MTREX: variants seen among roughly 807,000 people sequenced by gnomAD.
MTREX encodes Mtr4 exosome RNA helicase.
A neutral mutation model predicts 135.4 loss-of-function variants in MTREX; 76 were observed. That is an observed-to-expected ratio of 0.56 (90% confidence interval 0.47 to 0.68). MTREX has a LOEUF of 0.68. Among genes scored for constraint, MTREX ranks in the 30% least tolerant of loss-of-function variants. MTREX has a pLI of 0.00. For synonymous variants in MTREX, 404 were observed against 401.6 expected, an observed-to-expected ratio of 1.01 and a Z score of -0.07; for missense variants, 920 against 1,262.1, an observed-to-expected ratio of 0.73 and a Z score of 4.11.
In MTREX at chr5:55,425,136, T is replaced by G. The variant is rs1751138460; in HGVS notation, c.*364T>G. On this transcript the variant is annotated 3_prime_UTR_variant, in exon 27 of 27. Transcript: ENST00000230640. Reference sequence around the variant, plus strand: ...CTTGTACACCAGGAAGAAAGATGCATCCTCTTGCCTTGTGGCAATCATTTT... The same window carrying G: ...CTTGTACACCAGGAAGAAAGATGCAGCCTCTTGCCTTGTGGCAATCATTTT... 4 of 1,530,518 alleles carry G rather than the reference T, an allele frequency of 2.6e-6. No homozygotes were observed. The highest frequency in any genetic ancestry group is 1.4e-5 in the African/African-American group (1 of 71,778). 94.8% of individuals were successfully genotyped at this position (1,530,518 alleles called of 1,614,324 possible).
intron 22 of MTREX, among the ~76,000 whole-genome samples, chr5:55,410,068 T>G: frequency 6.6e-6 from 1 of 152,190 alleles, no homozygotes; most frequent in East Asian, 1.9e-4. Flanking sequence ...ATAAAAACTT[T>G]AAAAAATTAA....
chr5:55,358,809 A>G, intron 15 of MTREX, 111 bp downstream of exon 15: 3 of 826,466 alleles, frequency 3.6e-6, no homozygotes, highest in South Asian at 4.3e-5. Flanking sequence ...GAGTTAATAT[A>G]CTGAAACTAT....
chr5:55,392,356 C>T (rs1318391720), intron 19 of MTREX, among the ~76,000 whole-genome samples: 1 of 151,884 alleles, frequency 6.6e-6, no homozygotes, highest in Non-Finnish European at 1.5e-5. Flanking sequence ...CCAGCCTGGC[C>T]AACGTGGCCA....
chr5:55,314,230 G>T (rs1312389804), intron 1 of MTREX, among the ~76,000 whole-genome samples: 6 of 152,196 alleles, frequency 3.9e-5, no homozygotes, highest in African/African-American at 1.4e-4. Flanking sequence ...CTCTCCACAG[G>T]AGATGTACCA....
chr5:55,424,519 G>A (rs576694692), intron 26 of MTREX: 3 of 515,616 alleles, frequency 5.8e-6, no homozygotes, highest in African/African-American at 3.8e-5. Context: ...AGAGTCAAAA[G>A]AACAGGGGTC....
intron 18 of MTREX, among the ~76,000 whole-genome samples, chr5:55,382,310 CAT>C (rs1649040593): frequency 6.6e-6 from 1 of 151,870 alleles, no homozygotes; most frequent in Non-Finnish European, 1.5e-5. Context: ...TATATATACA[CAT>C]GTATGTATGT....
At position 55,343,448 on chromosome 5, in the gene MTREX, A is replaced by G. The variant is rs1173404117; in HGVS notation, c.899A>G (p.His300Arg). ...TTTGCTGAATGGATTTGCCATTTAC[A>G]TAAACAGGTATTTTTTCCTCCTTTT... ...RQFAEWICHL[H>R]KQPCHVIYTD... Residue 300 changes from histidine to arginine, a missense_variant, in exon 8 of 27, where the codon CAT (histidine) becomes CGT (arginine). Physicochemically the swap from His to Arg is conservative, Grantham distance 29 (BLOSUM62 0). Around this residue, in one of 6 missense-constraint regions of MTREX, gnomAD observed 88 missense variants for 202.5 expected, o/e 0.43. Coordinates refer to ENST00000230640, the MANE Select transcript of MTREX (RefSeq NM_015360.5). 8.7e-6 allele frequency: 14 copies of G among 1,611,342 alleles called. No individual in the cohort carries two copies. The highest frequency in any genetic ancestry group is 3.4e-5 in the Admixed American group (2 of 59,360).
intron 5 of MTREX, among the ~76,000 whole-genome samples, chr5:55,339,459 A>G (rs187514213): frequency 3.3e-5 from 5 of 152,328 alleles, no homozygotes; most frequent in South Asian, 2.1e-4. Context: ...GTTTAATGCT[A>G]TCTGTCTATA....
intron 5 of MTREX, among the ~76,000 whole-genome samples, chr5:55,338,211 ATATT>A (rs1749584796): frequency 6.6e-6 from 1 of 152,132 alleles, no homozygotes; most frequent in Non-Finnish European, 1.5e-5. Context: ...TTTTTAATAA[ATATT>A]TCTTACAGAG....
intron 1 of MTREX, among the ~76,000 whole-genome samples, chr5:55,310,069 T>C (rs1749086187): frequency 6.6e-6 from 1 of 152,238 alleles, no homozygotes; most frequent in South Asian, 2.1e-4. Flanking sequence ...ATGTATAATT[T>C]ACCATGTTAG....
intron 1 of MTREX, among the ~76,000 whole-genome samples, chr5:55,309,015 A>C (rs1386997180): frequency 6.6e-6 from 1 of 152,176 alleles, no homozygotes; most frequent in African/African-American, 2.4e-5. Flanking sequence ...GAGGTCGTTA[A>C]CTTAAAATGA....
intron 5 of MTREX, among the ~76,000 whole-genome samples, chr5:55,335,691 A>G (rs1373332741): frequency 6.6e-6 from 1 of 152,102 alleles, no homozygotes; most frequent in Non-Finnish European, 1.5e-5. Flanking sequence ...GATACTAGGT[A>G]ATGAGAATCT....
chr5:55,415,739 C>T (rs1268483281), intron 24 of MTREX, among the ~76,000 whole-genome samples: 1 of 152,136 alleles, frequency 6.6e-6, no homozygotes, highest in East Asian at 1.9e-4. Context: ...GAAAAGCATG[C>T]TCTTGATACA....
At chr5:55,320,257 G>C (rs200430176) in intron 1 of MTREX, among the ~76,000 whole-genome samples, 1 of 143,522 alleles carries the variant, frequency 7.0e-6, no homozygotes. Flanking sequence ...TTGCTCTGTC[G>C]CCCAGGCTGG....
At chr5:55,379,573 GACACACAC>G (rs60169736) in intron 18 of MTREX, among the ~76,000 whole-genome samples, 98 of 143,902 alleles carry the variant, frequency 6.8e-4, no homozygotes, top group African/African-American at 2.1e-3. Flanking sequence ...AAATCTCCCT[GACACACAC>G]ACACACACAC....
At chr5:55,373,449 G>A (rs576734210) in intron 16 of MTREX, among the ~76,000 whole-genome samples, 76 of 152,208 alleles carry the variant, frequency 5.0e-4, no homozygotes, top group South Asian at 1.4e-3. Flanking sequence ...AGACTTATAG[G>A]AAGGAAACAA....
chr5:55,388,052 G>A lies in MTREX; in HGVS notation c.2131G>A (p.Ala711Thr), dbSNP rs746418740. 6.2e-7 allele frequency: 1 copy of A among 1,609,240 alleles called. No individual in the cohort carries two copies. Among genetic ancestry groups the A allele is most frequent in the Non-Finnish European group, 8.5e-7 (1 of 1,176,586 alleles). The part of the protein sequence containing the change: ...RCSKESLKNS[A>T]TEAAKPAKPD... ...TAGCAAAGAGAGCTTGAAAAATTCA[G>A]CTACAGAAGCTGCAAAACCAGCTAA... The change falls in exon 19 of 27, where the codon GCT (alanine) becomes ACT (threonine). Residue 711 changes from alanine (A) to threonine (T), a missense_variant. Ala to Thr is a moderately conservative substitution (Grantham distance 58). Coordinates refer to ENST00000230640, the MANE Select transcript of MTREX (RefSeq NM_015360.5).
chr5:55,380,220 A>T (rs1750373567), intron 18 of MTREX, among the ~76,000 whole-genome samples: 1 of 152,096 alleles, frequency 6.6e-6, no homozygotes, highest in South Asian at 2.1e-4. Flanking sequence ...GATTACAGAC[A>T]TGAGCCACCA....
chr5:55,400,240 A>G lies in MTREX; in HGVS notation c.2300A>G (p.Gln767Arg). Residue 767 changes from glutamine (Q) to arginine (R), a missense_variant, in exon 21 of 27, where the codon CAG (glutamine) becomes CGG (arginine). Gln to Arg is a conservative substitution (Grantham distance 43). Coordinates refer to ENST00000230640, the MANE Select transcript of MTREX (RefSeq NM_015360.5). ...TTTACATATTTTTTTCAGGAAGTTCAGAAACGTTTTCCTGACGGCATCCCC... is the reference window on the plus strand; with the variant it reads ...TTTACATATTTTTTTCAGGAAGTTCGGAAACGTTTTCCTGACGGCATCCCC... ...QSVLKSIQEV[Q>R]KRFPDGIPLL... The G allele has an allele frequency of 6.4e-7, 1 of 1,554,486 alleles. No homozygotes were observed. Among genetic ancestry groups the G allele is most frequent in the Non-Finnish European group, 8.7e-7 (1 of 1,149,158 alleles).
Sources: allele counts gnomAD v4.1 joint callset (sites outside exome capture counted in the v4.1 genomes callset), GRCh38; gene constraint gnomAD v4.1.1; regional missense constraint gnomAD v4.1.1; transcripts MANE v1.5; gene names NCBI Gene and HGNC (gene_info 2026-07-23, HGNC 2026-07-21).